ZNF311: variants seen among roughly 807,000 people sequenced by gnomAD.
ZNF311 encodes the protein zinc finger protein 311, also known as zinc finger protein zfp31.
In ZNF311, 14 loss-of-function variants were observed where a neutral mutation model predicts 22.7. The observed-to-expected ratio is 0.62, with a 90% CI of 0.41 to 0.96. The LOEUF (loss-of-function observed/expected upper bound fraction) is 0.96, where lower values mean the gene tolerates loss of function less well. Ranked by LOEUF, ZNF311 falls within the 40% of genes least tolerant of loss-of-function variation. The pLI, the probability that ZNF311 is intolerant of heterozygous loss-of-function variation, is 0.00. For missense variants in ZNF311, 731 were observed against 799.0 expected (o/e 0.91, Z 1.03); for synonymous variants, 250 against 275.3 (o/e 0.91, Z 0.91).
chr6:28,999,469 T>G lies in ZNF311; in HGVS notation c.310+18A>C, dbSNP rs1177513738. The G allele has an allele frequency of 6.2e-7, 1 of 1,600,124 alleles. No homozygotes were observed. Among genetic ancestry groups the G allele is most frequent in the East Asian group, 2.2e-5 (1 of 44,674 alleles). On this transcript the variant is annotated intron_variant, in intron 5 of 6. Coordinates refer to ENST00000377179, the MANE Select transcript of ZNF311 (RefSeq NM_001382360.1). ...AAAAAAGAAGGTAGAAAGCATTAAG[T>G]GTAGGGAAGGTCCTTACCAAGTGAT...
chr6:28,999,925 T>G (rs752919738), intron 4 of ZNF311, 31 bp downstream of exon 4: 12 of 1,599,618 alleles, frequency 7.5e-6, no homozygotes, highest in Middle Eastern at 1.7e-4. Flanking sequence ...GTGATGTATT[T>G]TCAAGGAGGA....
Position 29,003,514 on chromosome 6 carries a change from G to A in ZNF311, c.90C>T (p.Ser30=), listed in dbSNP as rs144068059. ...TRQDTQLPQE[S]ALLPAPYPAF... is the part of the protein sequence containing the mutation. ...GCCACAATCTCCTGTGTATCTCACC[G>A]CTTTCCTGAGGGAGCTGGGTATCCT... Residue 30 remains serine, a splice_region_variant and synonymous_variant, in exon 3 of 7, where the codon AGC becomes AGT. Coordinates refer to ENST00000377179, the MANE Select transcript of ZNF311 (RefSeq NM_001382360.1). 160 of 1,612,956 alleles carry A rather than the reference G, an allele frequency of 9.9e-5. No individual in the cohort carries two copies. The highest frequency in any genetic ancestry group is 4.1e-4 in the African/African-American group (31 of 75,028).
At chr6:29,001,267 A>G (rs1303334204) in intron 3 of ZNF311, among the ~76,000 whole-genome samples, 1 of 152,220 alleles carries the variant, frequency 6.6e-6, no homozygotes, top group East Asian at 1.9e-4. Flanking sequence ...TCTATTGGTA[A>G]GATTTTATAA....
chr6:29,003,014 CT>C (rs1780663891), intron 3 of ZNF311, among the ~76,000 whole-genome samples: 1 of 152,182 alleles, frequency 6.6e-6, no homozygotes, highest in Non-Finnish European at 1.5e-5. Context: ...TTTGCTTCTT[CT>C]TTTGTCACTG....
chr6:29,001,620 T>C (rs1481500517), intron 3 of ZNF311, among the ~76,000 whole-genome samples: 2 of 152,234 alleles, frequency 1.3e-5, no homozygotes, highest in African/African-American at 2.4e-5. Flanking sequence ...AAGCTCTCAA[T>C]TGGATGTTTT....
At position 28,995,213 on chromosome 6, in the gene ZNF311, C is replaced by T. The variant is rs748507963; in HGVS notation, c.1789G>A (p.Ala597Thr). The T allele has an allele frequency of 4.3e-6, 7 of 1,613,952 alleles. No homozygotes were observed. The East Asian group carries it at 1.6e-4, about 36-fold the overall frequency. Residue 597 changes from alanine (A) to threonine (T), a missense_variant, in exon 7 of 7, where the codon GCT (alanine) becomes ACT (threonine). By Grantham distance (58) the Ala-to-Thr change is moderately conservative. Coordinates refer to ENST00000377179, the MANE Select transcript of ZNF311 (RefSeq NM_001382360.1). This position sits in a 1 kb window ranked among gnomAD's most constrained non-coding sequence, Gnocchi z 4.7. ...TGAACTCGCTTATGTCCAATCAGAG[C>T]TGAGCCCTGACGGAAGGACGTGCCA... ...ECGTSFRQGS[A>T]LIGHKRVHTG...
In ZNF311 at chr6:28,995,283, G is replaced by A; in HGVS notation, c.1719C>T (p.His573=). Residue 573 remains histidine, a synonymous_variant, in exon 7 of 7, where the codon CAC becomes CAT. Coordinates refer to ENST00000377179, the MANE Select transcript of ZNF311 (RefSeq NM_001382360.1). The surrounding 1 kb of genome is among the most constrained non-coding windows in gnomAD (Gnocchi z 4.7). ...AFHHSSVLRQ[H]KRIHTGEKPY... ...GCTTCTCACCAGTGTGGATTCTTTT[G>A]TGCTGCCTCAGGACTGAACTATGAT... 6.2e-7 allele frequency: 1 copy of A among 1,613,886 alleles called. No individual in the cohort carries two copies. Among genetic ancestry groups the A allele is most frequent in the Non-Finnish European group, 8.5e-7 (1 of 1,179,998 alleles).
intron 3 of ZNF311, among the ~76,000 whole-genome samples, 164 bp from the exon 4 acceptor site, chr6:29,000,211 A>G (rs541012233): frequency 6.6e-6 from 1 of 152,220 alleles, no homozygotes; most frequent in Non-Finnish European, 1.5e-5. Context: ...TCTAGTCTCA[A>G]CTTCCAGTGT....
chr6:28,995,733 G>A lies in ZNF311; in HGVS notation c.1269C>T (p.Ala423=). The A allele has an allele frequency of 6.2e-7, 1 of 1,613,764 alleles. No homozygotes were observed. The highest frequency in any genetic ancestry group is 8.5e-7 in the Non-Finnish European group (1 of 1,180,012). ...TGCTTAGGTCTGAGCTCCGACTGAAGGCCCTTCCACACTTGCTGCACTCAT... is the reference window on the plus strand; with the variant it reads ...TGCTTAGGTCTGAGCTCCGACTGAAAGCCCTTCCACACTTGCTGCACTCAT... ...RPYECSKCGR[A]FSRSSDLSKH... is the part of the protein sequence containing the mutation. Residue 423 remains alanine, a synonymous_variant, in exon 7 of 7, where the codon GCC becomes GCT. Coordinates refer to ENST00000377179, the MANE Select transcript of ZNF311 (RefSeq NM_001382360.1). The surrounding 1 kb of genome is among the most constrained non-coding windows in gnomAD (Gnocchi z 4.7).
At chr6:29,000,747 A>G (rs1317450084) in intron 3 of ZNF311, among the ~76,000 whole-genome samples, 2 of 151,924 alleles carry the variant, frequency 1.3e-5, no homozygotes, top group East Asian at 1.9e-4. Flanking sequence ...GTGTTCAGGT[A>G]TAATCCATAT....
Position 29,004,080 on chromosome 6 carries a change from T to C in ZNF311, c.-126A>G, listed in dbSNP as rs952012825. ...ATGCCAGCCTCCTTTGGAGAACACA[T>C]GTTTTGGTGGTGCCAGCCAAAGGGC... On this transcript the variant is annotated 5_prime_UTR_variant, in exon 2 of 7. It removes an upstream start codon present in the reference 5' UTR. Transcript: ENST00000377179. 6.9e-6 allele frequency: 11 copies of C among 1,600,288 alleles called. No individual in the cohort carries two copies. Among genetic ancestry groups the C allele is most frequent in the Admixed American group, 6.8e-5 (4 of 58,860 alleles).
Position 28,999,598 on chromosome 6 carries a change from C to G in ZNF311, c.199G>C (p.Glu67Gln). The G allele has an allele frequency of 6.2e-7, 1 of 1,612,702 alleles. No homozygotes were observed. The highest frequency in any genetic ancestry group is 8.5e-7 in the Non-Finnish European group (1 of 1,179,708). Residue 67 changes from glutamate to glutamine, a missense_variant, in exon 5 of 7, where the codon GAG becomes CAG. By Grantham distance (29) the Glu-to-Gln change is conservative. Transcript: ENST00000377179. ...MSQAQESVTF[E>Q]DVAVNFTNRE... is the part of the protein sequence containing the mutation. ...TTAGTGAAGTTCACAGCTACATCCT[C>G]AAATGTCACTGACTCCTGAAATAAT...
In ZNF311 at chr6:28,995,474, C is replaced by T; in HGVS notation, c.1528G>A (p.Asp510Asn). ...QCRDCGKTFQ[D>N]KHCLTIHQRI... ...TGATGGATGGTAAGGCAGTGCTTAT[C>T]TTGGAAGGTTTTCCCACAATCCCTG... Residue 510 changes from aspartate to asparagine, a missense_variant, in exon 7 of 7, where the codon GAT becomes AAT. Physicochemically the swap from Asp to Asn is conservative, Grantham distance 23. Coordinates refer to ENST00000377179, the MANE Select transcript of ZNF311 (RefSeq NM_001382360.1). The surrounding 1 kb of genome is among the most constrained non-coding windows in gnomAD (Gnocchi z 4.7). The T allele has an allele frequency of 6.2e-7, 1 of 1,612,962 alleles. No homozygotes were observed. The highest frequency in any genetic ancestry group is 1.1e-5 in the South Asian group (1 of 91,042).
intron 5 of ZNF311, 53 bp from the exon 6 acceptor site, chr6:28,998,891 A>T: frequency 7.7e-7 from 1 of 1,303,376 alleles, no homozygotes. Context: ...TTAATAACTT[A>T]TAACTTAGCT....
intron 6 of ZNF311, among the ~76,000 whole-genome samples, chr6:28,996,809 T>C (rs1043891480): frequency 6.6e-6 from 1 of 152,232 alleles, no homozygotes; most frequent in African/African-American, 2.4e-5. Flanking sequence ...TCCTCTATAG[T>C]CTCCTAGTTT....
At chr6:29,000,107 A>G in intron 3 of ZNF311, 60 bp from the exon 4 acceptor site, 1 of 1,488,488 alleles carries the variant, frequency 6.7e-7, no homozygotes, top group South Asian at 1.2e-5. Flanking sequence ...AATCTCCTGC[A>G]TTCGTCTTCT....
At chr6:28,999,796 G>C in intron 4 of ZNF311, 160 bp downstream of exon 4, 1 of 1,238,064 alleles carries the variant, frequency 8.1e-7, no homozygotes, top group Non-Finnish European at 1.1e-6. Context: ...TAATGAAAGA[G>C]AAAACAACCC....
rs1365478931 is a variant in ZNF311, at chr6:29,005,141, T to C, written c.-394A>G. The C allele has an allele frequency of 6.6e-6, 1 of 152,154 alleles. No individual in the cohort carries two copies. Among genetic ancestry groups the C allele is most frequent in the Non-Finnish European group, 1.5e-5 (1 of 68,024 alleles). The allele number at this position is 152,154 out of a possible 1,614,324, so 9.4% of individuals were successfully genotyped here. ...CTAAAATCTAGGCTCTTAGGCTCCA[T>C]GAGGGCAGGAATTTTTGTCGTCTTG... is the stretch of plus-strand genomic sequence containing the variant. On this transcript the variant is annotated 5_prime_UTR_variant, in exon 1 of 7. It removes an upstream start codon present in the reference 5' UTR. Coordinates refer to ENST00000377179, the MANE Select transcript of ZNF311 (RefSeq NM_001382360.1).
In ZNF311 at chr6:28,995,412, T is replaced by A; in HGVS notation, c.1590A>T (p.Leu530Phe). 6.2e-7 allele frequency: 1 copy of A among 1,614,034 alleles called. No homozygotes were observed. The highest frequency in any genetic ancestry group is 8.5e-7 in the Non-Finnish European group (1 of 1,180,004). ...IHTGEKPYKCLECGKAFSGKS... is the reference protein window; with the variant it reads ...IHTGEKPYKCFECGKAFSGKS... ...TCCCACTGAAAGCTTTCCCACACTC[T>A]AAACATTTGTAAGGTTTCTCTCCAG... The change falls in exon 7 of 7, where the codon TTA becomes TTT. Residue 530 changes from leucine (L) to phenylalanine (F), a missense_variant. Coordinates refer to ENST00000377179, the MANE Select transcript of ZNF311 (RefSeq NM_001382360.1). This position sits in a 1 kb window ranked among gnomAD's most constrained non-coding sequence, Gnocchi z 4.7.
Sources: gnomAD v4.1 joint callset for allele counts (sites outside exome capture counted in the v4.1 genomes callset) on GRCh38, gnomAD v4.1.1 for gene constraint, Gnocchi (gnomAD v3.1) non-coding constraint, MANE v1.5 for transcripts, NCBI Gene and HGNC (gene_info 2026-07-23, HGNC 2026-07-21) for gene names.